Variants in EWSR1 observed in about 807,000 individuals in gnomAD.
The protein encoded by EWSR1 is RNA-binding protein EWS.
Under a neutral mutation model 92.1 loss-of-function variants are expected in EWSR1, and 14 were observed. That is an observed-to-expected ratio of 0.15 (90% CI 0.10 to 0.24). The LOEUF (loss-of-function observed/expected upper bound fraction) is 0.24, where lower values mean the gene tolerates loss of function less well. EWSR1 is among the 10% of genes least tolerant of loss of function. The pLI, the probability that EWSR1 is intolerant of heterozygous loss-of-function variation, is 1.00. For synonymous variants in EWSR1, 303 were observed against 292.9 expected (o/e 1.03, Z -0.35); for missense variants, 637 against 870.9 (o/e 0.73, Z 3.38).
intron 6 of EWSR1, among the ~76,000 whole-genome samples, chr22:29,284,463 G>C (rs1347443297): frequency 2.0e-5 from 3 of 151,388 alleles, no homozygotes; most frequent in African/African-American, 7.4e-5. Context: ...CCAGCTTGGA[G>C]CAAAAGTGGG....
Position 29,299,760 on chromosome 22 carries a change from A to AGAC in EWSR1, c.1843_1845dup (p.Arg615dup). On this transcript the variant is annotated inframe_insertion, in exon 16 of 17. Coordinates refer to ENST00000397938, the MANE Select transcript of EWSR1 (RefSeq NM_005243.4). ...GGACCGAGGTGGCTTTGGTGGAGGA[A>AGAC]GACGAGGTGGCCCTGGGGGGCCCCC... 1 of 1,607,972 alleles carries AGAC rather than the reference A, an allele frequency of 6.2e-7. No homozygotes were observed. The highest frequency in any genetic ancestry group is 8.5e-7 in the Non-Finnish European group (1 of 1,176,336).
intron 12 of EWSR1, among the ~76,000 whole-genome samples, chr22:29,296,574 A>G (rs1413532477): frequency 6.6e-6 from 1 of 152,236 alleles, no homozygotes; most frequent in Non-Finnish European, 1.5e-5. Flanking sequence ...TTACAAATCA[A>G]CCTTGCTTAA....
chr22:29,292,537 A>G lies in EWSR1; in HGVS notation c.1095A>G (p.Val365=), dbSNP rs746617487. 6.2e-7 allele frequency: 1 copy of G among 1,614,070 alleles called. No homozygotes were observed. The highest frequency in any genetic ancestry group is 8.5e-7 in the Non-Finnish European group (1 of 1,179,954). The part of the protein sequence containing the change: ...DEDSDNSAIY[V]QGLNDSVTLD... ...ACTCTGACAACAGTGCAATTTATGT[A>G]CAAGGATTAAATGACAGTGTGACTC... The change falls in exon 11 of 17, where the codon GTA becomes GTG. Residue 365 remains valine, a synonymous_variant. Coordinates refer to ENST00000397938, the MANE Select transcript of EWSR1 (RefSeq NM_005243.4).
intron 12 of EWSR1, 119 bp downstream of exon 12, chr22:29,296,487 C>T: frequency 1.6e-6 from 2 of 1,238,698 alleles, no homozygotes; most frequent in Non-Finnish European, 2.3e-6. Flanking sequence ...AGGTAGATGG[C>T]CGGTCTCCCT....
rs1055852 is a variant in EWSR1 at position 29,300,448 on chromosome 22, C to T, written c.*287C>T. ...TCATTGTGGAGAACCAAGAGGGCCT[C>T]TTAACTGTAACAATGTTCATGGTTG... On this transcript the variant is annotated 3_prime_UTR_variant, in exon 17 of 17. Coordinates refer to ENST00000397938, the MANE Select transcript of EWSR1 (RefSeq NM_005243.4). The T allele has an allele frequency of 6.3e-6, 2 of 319,566 alleles. No homozygotes were observed. Among genetic ancestry groups the T allele is most frequent in the Non-Finnish European group, 1.1e-5 (2 of 177,266 alleles). 19.8% of individuals were successfully genotyped at this position (319,566 alleles called of 1,614,324 possible). A position where few individuals can be genotyped will look rare whatever the true frequency, so the allele number is the denominator to read the frequency against.
At chr22:29,285,337 G>A (rs2059946049) in intron 6 of EWSR1, among the ~76,000 whole-genome samples, 1 of 150,526 alleles carries the variant, frequency 6.6e-6, no homozygotes, top group Non-Finnish European at 1.5e-5. Flanking sequence ...GGTCAGGCTG[G>A]TCTCAAACTC....
intron 6 of EWSR1, among the ~76,000 whole-genome samples, chr22:29,284,928 T>C (rs114972064): frequency 0.019 from 2,839 of 151,276 alleles, 264 homozygotes; most frequent in African/African-American, 0.066. Context: ...AAAGTGATTC[T>C]CCTACGTCAG....
chr22:29,291,619 CATAG>C lies in EWSR1; in HGVS notation c.1012+25_1012+28del. 1 of 1,604,434 alleles carries C rather than the reference CATAG, an allele frequency of 6.2e-7. No homozygotes were observed. The highest frequency in any genetic ancestry group is 8.5e-7 in the Non-Finnish European group (1 of 1,175,164). On this transcript the variant is annotated intron_variant, in intron 9 of 16. Coordinates refer to ENST00000397938, the MANE Select transcript of EWSR1 (RefSeq NM_005243.4). ...CTGGTGGTAAGTTTTTGAGTATTAC[CATAG>C]ATAGTGTTTAAAAAAAAATGCAGTC...
At chr22:29,270,172 T>C (rs1046762718) in intron 1 of EWSR1, among the ~76,000 whole-genome samples, 2 of 152,208 alleles carry the variant, frequency 1.3e-5, no homozygotes, top group East Asian at 3.8e-4. Flanking sequence ...GCTTCCATAG[T>C]GACTGCTCTA....
intron 4 of EWSR1, among the ~76,000 whole-genome samples, chr22:29,274,938 T>A (rs937684634): frequency 6.6e-6 from 1 of 152,202 alleles, no homozygotes; most frequent in African/African-American, 2.4e-5. Context: ...CTTAAAGATA[T>A]CAGAGCTCTT....
rs116022490 is a variant in EWSR1, at chr22:29,279,434, A to T, written c.413+1218A>T. Among the ~76,000 whole-genome samples the T allele has an allele frequency of 7.3e-3, 1,114 of 152,328 alleles. 16 individuals carry two copies. The highest frequency in any genetic ancestry group is 0.026 in the African/African-American group (1,063 of 41,576). On this transcript the variant is annotated intron_variant, in intron 5 of 16. Coordinates refer to ENST00000397938, the MANE Select transcript of EWSR1 (RefSeq NM_005243.4). ...TACATTGTATAGAGGCTTAATCTAA[A>T]TATTATAGGCAAATAAAAATTCTTA...
chr22:29,289,662 T>A (rs572746011), intron 8 of EWSR1: 280 of 232,630 alleles, frequency 1.2e-3, no homozygotes, highest in African/African-American at 5.6e-3. Context: ...ATGTTAGATA[T>A]TTACATTTGA....
intron 12 of EWSR1, 100 bp from the exon 13 acceptor site, chr22:29,297,727 G>A: frequency 6.8e-7 from 1 of 1,470,994 alleles, no homozygotes; most frequent in East Asian, 2.3e-5. Context: ...GAAGATTACA[G>A]GCAGACCTAA....
At chr22:29,273,254 CA>C (rs1400005025) in intron 3 of EWSR1, among the ~76,000 whole-genome samples, 1 of 152,182 alleles carries the variant, frequency 6.6e-6, no homozygotes, top group African/African-American at 2.4e-5. Flanking sequence ...GTCTTTTTGT[CA>C]GGCTGAAAAT....
rs754995694 is a variant in EWSR1, at chr22:29,286,877, C to A, written c.582-46C>A. 15 of 1,480,032 alleles carry A rather than the reference C, an allele frequency of 1.0e-5. 1 individual carries two copies. Among genetic ancestry groups the A allele is most frequent in the Non-Finnish European group, 1.4e-5 (15 of 1,065,772 alleles). The allele number at this position is 1,480,032 out of a possible 1,614,324, so 91.7% of individuals were successfully genotyped here. On this transcript the variant is annotated intron_variant, in intron 6 of 16. Coordinates refer to ENST00000397938, the MANE Select transcript of EWSR1 (RefSeq NM_005243.4). Reference sequence around the variant, plus strand: ...ATTCAGGGGATTTGAAATAACAAGCCTCTTTCTAAAAAAGCTTTTTTTTTT... The same window carrying A: ...ATTCAGGGGATTTGAAATAACAAGCATCTTTCTAAAAAAGCTTTTTTTTTT...
intron 12 of EWSR1, 50 bp from the exon 13 acceptor site, chr22:29,297,774 TTGG>T (rs2060981074): frequency 2.5e-6 from 4 of 1,602,502 alleles, no homozygotes; most frequent in Non-Finnish European, 3.4e-6. Context: ...TGATGTGGAG[TTGG>T]TGAACAGGGA....
At chr22:29,282,239 GATTGTATTTATT>G (rs1162396873) in intron 5 of EWSR1, 139 bp from the exon 6 acceptor site, 3 of 629,832 alleles carry the variant, frequency 4.8e-6, no homozygotes, top group East Asian at 6.3e-5. Flanking sequence ...TTTACTTTAG[GATTGTATTTATT>G]ATTGTATTTA....
intron 13 of EWSR1, 108 bp from the exon 14 acceptor site, chr22:29,298,625 G>A: frequency 7.3e-7 from 1 of 1,364,860 alleles, no homozygotes; most frequent in Non-Finnish European, 1.0e-6. Context: ...AGGTGATGGG[G>A]AAATGACAGC....
rs561028709 is a variant in EWSR1 at position 29,280,998 on chromosome 22, G to A, written c.414-1392G>A. Among the ~76,000 whole-genome samples the A allele has an allele frequency of 2.7e-5, 4 of 147,162 alleles. No individual in the cohort carries two copies. In the East Asian group the frequency reaches 8.3e-4, roughly 30 times the overall value. On this transcript the variant is annotated intron_variant, in intron 5 of 16. Transcript: ENST00000397938. The stretch of plus-strand genomic sequence containing the variant: ...AGGTTCATGCCATTCTCCTACCTCA[G>A]CCTCCCAAGTAGCTGGGACTACAGG...
Sources: gnomAD v4.1 joint callset for allele counts (sites outside exome capture counted in the v4.1 genomes callset) on GRCh38, gnomAD v4.1.1 for gene constraint, MANE v1.5 for transcripts, NCBI Gene and HGNC (gene_info 2026-07-23, HGNC 2026-07-21) for gene names.